Variants in TMPRSS11B observed in about 807,000 individuals in gnomAD.
TMPRSS11B encodes transmembrane protease serine 11B.
A neutral mutation model predicts 44.7 loss-of-function variants in TMPRSS11B; 53 were observed. That is an observed-to-expected ratio of 1.19 (90% CI 0.95 to 1.49). TMPRSS11B has a LOEUF of 1.49. TMPRSS11B is among the 40% of genes most tolerant of loss of function. The pLI, the probability that TMPRSS11B is intolerant of heterozygous loss-of-function variation, is 0.00. For missense variants in TMPRSS11B, 526 were observed against 494.8 expected, an observed-to-expected ratio of 1.06 and a Z score of -0.60; for synonymous variants, 140 against 159.2, an observed-to-expected ratio of 0.88 and a Z score of 0.91.
intron 2 of TMPRSS11B, among the ~76,000 whole-genome samples, chr4:68,238,559 C>CGA (rs1719736540): frequency 1.3e-5 from 1 of 75,228 alleles, no homozygotes; most frequent in African/African-American, 3.4e-5. Flanking sequence ...CCCATCTCTA[C>CGA]TAAAAAAAAA....
intron 2 of TMPRSS11B, among the ~76,000 whole-genome samples, chr4:68,237,246 A>G (rs1320531352): frequency 6.6e-6 from 1 of 152,024 alleles, no homozygotes; most frequent in Non-Finnish European, 1.5e-5. Flanking sequence ...AGCTTCATCC[A>G]TGTCCCTGCA....
intron 5 of TMPRSS11B, among the ~76,000 whole-genome samples, chr4:68,233,936 C>G (rs879688729): frequency 6.6e-6 from 1 of 151,802 alleles, no homozygotes; most frequent in Non-Finnish European, 1.5e-5. Context: ...CTTTGGGAGG[C>G]CGAGGTGGGC....
At chr4:68,234,006 C>A (rs986750783) in intron 5 of TMPRSS11B, among the ~76,000 whole-genome samples, 4 of 151,940 alleles carry the variant, frequency 2.6e-5, no homozygotes, top group Admixed American at 1.3e-4. Flanking sequence ...CCTGTCTCTA[C>A]TAAAAATACA....
Position 68,245,535 on chromosome 4 carries a change from G to T in TMPRSS11B, c.8+16C>A, listed in dbSNP as rs775175871. 2 of 1,613,436 alleles carry T rather than the reference G, an allele frequency of 1.2e-6. No homozygotes were observed. Among genetic ancestry groups the T allele is most frequent in the African/African-American group, 1.3e-5 (1 of 74,978 alleles). Reference sequence around the variant, plus strand: ...ACATTTTGCCAACTTGCTCTCCCCAGTGAAGTCCCCTTTACCTGTACATAA... The same window carrying T: ...ACATTTTGCCAACTTGCTCTCCCCATTGAAGTCCCCTTTACCTGTACATAA... On this transcript the variant is annotated intron_variant, in intron 1 of 9. Coordinates refer to ENST00000332644, the MANE Select transcript of TMPRSS11B (RefSeq NM_182502.3).
intron 4 of TMPRSS11B, among the ~76,000 whole-genome samples, chr4:68,234,882 G>A (rs553298051): frequency 3.2e-4 from 49 of 152,254 alleles, no homozygotes; most frequent in African/African-American, 1.1e-3. Flanking sequence ...ATGGGAAATG[G>A]AATACTGGCC....
At chr4:68,243,056 C>T (rs1364410290) in intron 1 of TMPRSS11B, among the ~76,000 whole-genome samples, 2 of 152,132 alleles carry the variant, frequency 1.3e-5, no homozygotes, top group Non-Finnish European at 2.9e-5. Flanking sequence ...TAAGCTTAAT[C>T]TACATAAAGT....
chr4:68,238,504 C>G (rs759589313), intron 2 of TMPRSS11B, among the ~76,000 whole-genome samples: 2 of 151,280 alleles, frequency 1.3e-5, no homozygotes, highest in Non-Finnish European at 2.9e-5. Flanking sequence ...GAGAGGATCA[C>G]TTGAGGTCAG....
chr4:68,241,526 C>CA (rs1306229179), intron 2 of TMPRSS11B, among the ~76,000 whole-genome samples, 163 bp downstream of exon 2: 1 of 151,766 alleles, frequency 6.6e-6, no homozygotes, highest in Non-Finnish European at 1.5e-5. Flanking sequence ...GCCTCTGATT[C>CA]AAAAAATTTT....
At chr4:68,231,065 A>G (rs2109956018) in intron 7 of TMPRSS11B, 138 bp downstream of exon 7, 1 of 636,914 alleles carries the variant, frequency 1.6e-6, no homozygotes, top group Non-Finnish European at 2.4e-6. Flanking sequence ...TTAATTACGC[A>G]GGTGATTGTA....
intron 8 of TMPRSS11B, 67 bp downstream of exon 8, chr4:68,229,190 G>T: frequency 7.9e-7 from 1 of 1,269,438 alleles, no homozygotes; most frequent in South Asian, 1.5e-5. Context: ...ATGATTGATT[G>T]ATTGATTGAT....
rs748490182 is a variant in TMPRSS11B at position 68,231,261 on chromosome 4, A to G, written c.628T>C (p.Cys210Arg). Residue 210 changes from cysteine to arginine, a missense_variant, in exon 7 of 10, where the codon TGT becomes CGT. By Grantham distance (180) the Cys-to-Arg change is radical. Transcript: ENST00000332644. ...CTGCTGCTGATCAGAGAGGCTCCAC[A>G]GTAGTGACGGCCTTTCCATTGCATG... is the stretch of plus-strand genomic sequence containing the variant. The part of the protein sequence containing the change: ...ASMQWKGRHY[C>R]GASLISSRWL... 15 of 1,613,664 alleles carry G rather than the reference A, an allele frequency of 9.3e-6. No homozygotes were observed. Among genetic ancestry groups the G allele is most frequent in the African/African-American group, 1.3e-5 (1 of 74,934 alleles).
chr4:68,230,069 A>C (rs531254517), intron 7 of TMPRSS11B, among the ~76,000 whole-genome samples: 1 of 152,172 alleles, frequency 6.6e-6, no homozygotes, highest in Non-Finnish European at 1.5e-5. Flanking sequence ...CTGCAACTGC[A>C]TCCATGTTCC....
At chr4:68,233,859 A>G (rs1719587058) in intron 5 of TMPRSS11B, among the ~76,000 whole-genome samples, 1 of 152,066 alleles carries the variant, frequency 6.6e-6, no homozygotes, top group South Asian at 2.1e-4. Context: ...AGATCCTGAC[A>G]AAAGCAAGGA....
rs751008041 is a variant in TMPRSS11B, at chr4:68,236,170, C to T, written c.221G>A (p.Ser74Asn). 2.4e-5 allele frequency: 39 copies of T among 1,609,006 alleles called. No homozygotes were observed. In the South Asian group the frequency reaches 4.1e-4, roughly 17 times the overall value. ...ATTTACCTTAGTCTCAATATCTTTG[C>T]TTAGATTTGTGCTGGCTTGTGAAGC... ...NAASQASTNL[S>N]KDIETKMLNA... Residue 74 changes from serine (S) to asparagine (N), a missense_variant, in exon 3 of 10, where the codon AGC becomes AAC. By Grantham distance (46) the Ser-to-Asn change is conservative (BLOSUM62 1). Transcript: ENST00000332644.
At chr4:68,245,439 C>A in intron 1 of TMPRSS11B, 112 bp downstream of exon 1, 1 of 1,160,370 alleles carries the variant, frequency 8.6e-7, no homozygotes, top group South Asian at 1.2e-5. Flanking sequence ...TAACAGTGTC[C>A]AGGAATAAAA....
At position 68,231,225 on chromosome 4, in the gene TMPRSS11B, A is replaced by T. The variant is rs1352955193; in HGVS notation, c.664T>A (p.Ser222Thr). 2.5e-6 allele frequency: 4 copies of T among 1,610,908 alleles called. No individual in the cohort carries two copies. Among genetic ancestry groups the T allele is most frequent in the Non-Finnish European group, 2.5e-6 (3 of 1,179,200 alleles). ...TACTTAGCAAAGCAGTGAGCTGCAG[A>T]TAATAGCCACCTGCTGCTGATCAGA... The part of the protein sequence containing the change: ...ASLISSRWLL[S>T]AAHCFAKKNN... The change falls in exon 7 of 10, where the codon TCT becomes ACT. Residue 222 changes from serine (S) to threonine (T), a missense_variant. Coordinates refer to ENST00000332644, the MANE Select transcript of TMPRSS11B (RefSeq NM_182502.3).
chr4:68,245,549 AC>A lies in TMPRSS11B; in HGVS notation c.8+1del. On this transcript the variant is annotated splice_donor_variant, in intron 1 of 9. Coordinates refer to ENST00000332644, the MANE Select transcript of TMPRSS11B (RefSeq NM_182502.3). LOFTEE classifies it high-confidence loss of function. The stretch of plus-strand genomic sequence containing the variant: ...TGCTCTCCCCAGTGAAGTCCCCTTT[AC>A]CTGTACATAATGTTCTGATTGTTAT... 6.2e-7 allele frequency: 1 copy of A among 1,613,576 alleles called. No homozygotes were observed. The highest frequency in any genetic ancestry group is 8.5e-7 in the Non-Finnish European group (1 of 1,179,648).
chr4:68,234,334 G>A, intron 5 of TMPRSS11B, 129 bp downstream of exon 5: 5 of 837,856 alleles, frequency 6.0e-6, no homozygotes, highest in Non-Finnish European at 7.2e-6. Context: ...ATTGCTAGGG[G>A]TGCCAGAGTT....
In TMPRSS11B at chr4:68,234,489, G is replaced by A; in HGVS notation, c.443C>T (p.Ala148Val). 6.2e-7 allele frequency: 1 copy of A among 1,613,846 alleles called. No individual in the cohort carries two copies. Among genetic ancestry groups the A allele is most frequent in the Non-Finnish European group, 8.5e-7 (1 of 1,179,922 alleles). ...CATGAGTTTAATGGAAGCAGGAACT[G>A]CATTCCAGGATGCCATGTTGTTTTT... ...MLKNNMASWNAVPASIKLMEI... is the reference protein window; with the variant it reads ...MLKNNMASWNVVPASIKLMEI... The change falls in exon 5 of 10, where the codon GCA becomes GTA. Residue 148 changes from alanine (A) to valine (V), a missense_variant. By Grantham distance (64) the Ala-to-Val change is moderately conservative. Transcript: ENST00000332644.
Sources: gnomAD v4.1 joint callset for allele counts (sites outside exome capture counted in the v4.1 genomes callset) on GRCh38, gnomAD v4.1.1 for gene constraint, MANE v1.5 for transcripts, NCBI Gene and HGNC (gene_info 2026-07-23, HGNC 2026-07-21) for gene names.